MED13: variants seen among roughly 807,000 people sequenced by gnomAD.
The protein encoded by MED13 is mediator of RNA polymerase II transcription subunit 13.
MED13 carries 23 observed loss-of-function variants against 225.2 expected under a neutral mutation model. The observed-to-expected ratio is 0.10, with a 90% CI of 0.07 to 0.14. MED13 has a LOEUF of 0.14. MED13 is among the 10% of genes least tolerant of loss of function. MED13 has a pLI of 1.00. For synonymous variants in MED13, 942 were observed against 889.2 expected (o/e 1.06, Z -1.06); for missense variants, 2,197 against 2,594.5 (o/e 0.85, Z 3.33).
At chr17:61,951,104 C>T (rs376685682) in intron 27 of MED13, 106 bp from the exon 28 acceptor site, 7 of 789,614 alleles carry the variant, frequency 8.9e-6, no homozygotes, top group Admixed American at 3.3e-5. Context: ...CTTATGACAT[C>T]GATTTAATAA....
intron 3 of MED13, among the ~76,000 whole-genome samples, chr17:62,043,741 C>T (rs2143724077): frequency 6.6e-6 from 1 of 152,238 alleles, no homozygotes; most frequent in Middle Eastern, 3.4e-3. Flanking sequence ...ATTTCAAAAG[C>T]AGTACAAAAA....
intron 3 of MED13, among the ~76,000 whole-genome samples, chr17:62,048,043 C>CATATATACAT (rs1555644431): frequency 5.3e-5 from 7 of 131,144 alleles, no homozygotes; most frequent in African/African-American, 2.0e-4. Context: ...TATACATATA[C>CATATATACAT]ATATATATAT....
intron 9 of MED13, among the ~76,000 whole-genome samples, chr17:61,997,066 T>C (rs556038655): frequency 2.4e-4 from 37 of 152,294 alleles, no homozygotes; most frequent in African/African-American, 8.9e-4. Context: ...AGACAAAAAT[T>C]GTAAGATATG....
intron 6 of MED13, 60 bp downstream of exon 6, chr17:62,031,384 G>A: frequency 1.6e-6 from 2 of 1,289,656 alleles, no homozygotes; most frequent in Non-Finnish European, 2.1e-6. Context: ...TATTTCTTAA[G>A]TACTTACTGT....
intron 21 of MED13, 24 bp downstream of exon 21, chr17:61,962,728 A>T (rs748431176): frequency 1.3e-6 from 2 of 1,595,260 alleles, no homozygotes; most frequent in Admixed American, 1.7e-5. Flanking sequence ...CATAATTTTA[A>T]CTCACAACAT....
Position 62,011,221 on chromosome 17 carries a change from G to A in MED13, c.1296C>T (p.Leu432=). 1.2e-6 allele frequency: 2 copies of A among 1,604,422 alleles called. No homozygotes were observed. Among genetic ancestry groups the A allele is most frequent in the Non-Finnish European group, 1.7e-6 (2 of 1,176,220 alleles). ...CTTGTTGTCCAGCATTTCTTGACTT[G>A]AGATTTTTGTGCCTGAAAAGTGAAA... is the stretch of plus-strand genomic sequence containing the variant. ...TNCSCLRHKN[L]KSRNAGQQGQ... The change falls in exon 9 of 30, where the codon CTC becomes CTT. Residue 432 remains leucine (L), a synonymous_variant. Coordinates refer to ENST00000397786, the MANE Select transcript of MED13 (RefSeq NM_005121.3).
At chr17:62,062,408 C>A (rs552740718) in intron 2 of MED13, among the ~76,000 whole-genome samples, 1 of 152,084 alleles carries the variant, frequency 6.6e-6, no homozygotes, top group East Asian at 1.9e-4. Context: ...TTTGTGTAAC[C>A]TTTTAGATTA....
At chr17:61,963,079 G>A (rs1448354351) in intron 20 of MED13, 108 bp from the exon 21 acceptor site, 3 of 800,070 alleles carry the variant, frequency 3.7e-6, no homozygotes, top group Non-Finnish European at 6.0e-6. Context: ...GGTGAAAGGT[G>A]TCAGAAAGCC....
chr17:61,962,498 T>A (rs1296683429), intron 21 of MED13, among the ~76,000 whole-genome samples: 1 of 152,196 alleles, frequency 6.6e-6, no homozygotes, highest in Non-Finnish European at 1.5e-5. Context: ...AAAATTGGCT[T>A]ATAAAAGTAA....
chr17:62,022,813 C>G (rs2080662413), intron 8 of MED13, among the ~76,000 whole-genome samples: 1 of 151,962 alleles, frequency 6.6e-6, no homozygotes, highest in African/African-American at 2.4e-5. Flanking sequence ...AGTTCAAGAC[C>G]AGCCTGGGCA....
rs764200828 is a variant in MED13, at chr17:61,956,391, T to C, written c.5571A>G (p.Pro1857=). ...CLGLVQMSSL[P]WRVVIGRLGR... The stretch of plus-strand genomic sequence containing the variant: ...CTAGACGACCAATTACAACTCTCCA[T>C]GGCAATGAACTCATTTGTACAAGTC... The change falls in exon 24 of 30, where the codon CCA becomes CCG. Residue 1857 remains proline (P), a synonymous_variant. Coordinates refer to ENST00000397786, the MANE Select transcript of MED13 (RefSeq NM_005121.3). 4 of 1,614,014 alleles carry C rather than the reference T, an allele frequency of 2.5e-6. No individual in the cohort carries two copies. In the South Asian group the frequency reaches 4.4e-5, roughly 18 times the overall value.
At chr17:62,049,687 T>C (rs748546261) in intron 3 of MED13, among the ~76,000 whole-genome samples, 3 of 152,086 alleles carry the variant, frequency 2.0e-5, no homozygotes, top group African/African-American at 7.2e-5. Context: ...ATCCCAGCAC[T>C]TGGGGAGGCC....
intron 2 of MED13, among the ~76,000 whole-genome samples, chr17:62,054,439 T>C (rs369075287): frequency 2.6e-5 from 4 of 152,170 alleles, no homozygotes; most frequent in Admixed American, 1.3e-4. Flanking sequence ...ATAGGAAAAA[T>C]TCACATTCTA....
At chr17:62,051,115 TACTA>T (rs1453240800) in intron 3 of MED13, among the ~76,000 whole-genome samples, 1 of 152,250 alleles carries the variant, frequency 6.6e-6, no homozygotes, top group Non-Finnish European at 1.5e-5. Flanking sequence ...CCTTTCTTCT[TACTA>T]ACAAAAACTT....
At chr17:61,953,686 T>C (rs546689309) in intron 26 of MED13, among the ~76,000 whole-genome samples, 2 of 152,356 alleles carry the variant, frequency 1.3e-5, no homozygotes, top group Admixed American at 1.3e-4. Flanking sequence ...GACTTCTGAC[T>C]TCCAGAACTG....
Position 61,988,423 on chromosome 17 carries a change from T to C in MED13, c.2264-1295A>G, listed in dbSNP as rs150159024. The stretch of plus-strand genomic sequence containing the variant: ...ACATAACCTTCCAAATCATTCTCTG[T>C]TAACTGACTTGAGAGTCCTCGTTTT... On this transcript the variant is annotated intron_variant, in intron 11 of 29. Transcript: ENST00000397786. 1.9e-3 allele frequency among the ~76,000 whole-genome samples: 282 copies of C among 152,370 alleles called. 4 individuals carry two copies. The East Asian group carries it at 0.038, about 21-fold the overall frequency.
intron 18 of MED13, among the ~76,000 whole-genome samples, chr17:61,967,647 T>C (rs2080070568): frequency 6.6e-6 from 1 of 152,230 alleles, no homozygotes; most frequent in African/African-American, 2.4e-5. Context: ...AGCATAGATT[T>C]ATTTTACATA....
chr17:62,052,253 A>C (rs986009562), intron 3 of MED13, among the ~76,000 whole-genome samples: 1 of 152,162 alleles, frequency 6.6e-6, no homozygotes, highest in African/African-American at 2.4e-5. Context: ...TCCAAGCCTA[A>C]GTCTCTGCTT....
At chr17:61,999,095 CAT>C (rs1232768274) in intron 9 of MED13, among the ~76,000 whole-genome samples, 1 of 152,090 alleles carries the variant, frequency 6.6e-6, no homozygotes, top group African/African-American at 2.4e-5. Context: ...AAGTTTATTT[CAT>C]CACAGACTTC....
Sources: gnomAD v4.1 joint callset for allele counts (sites outside exome capture counted in the v4.1 genomes callset) on GRCh38, gnomAD v4.1.1 for gene constraint, MANE v1.5 for transcripts, NCBI Gene and HGNC (gene_info 2026-07-23, HGNC 2026-07-21) for gene names.